CCSER1: variants seen among roughly 807,000 people sequenced by gnomAD.
CCSER1 encodes serine-rich coiled-coil domain-containing protein 1.
A neutral mutation model predicts 82.0 loss-of-function variants in CCSER1; 41 were observed. That is an observed-to-expected ratio of 0.50 (90% CI 0.39 to 0.65). The LOEUF (loss-of-function observed/expected upper bound fraction) is 0.65. CCSER1 is among the 30% of genes least tolerant of loss of function. The probability of loss-of-function intolerance (pLI) is 0.00; values close to 1 mark genes in which losing one functional copy is unlikely to be tolerated. For missense variants in CCSER1, 1,119 were observed against 1,064.2 expected, an observed-to-expected ratio of 1.05 and a Z score of -0.72; for synonymous variants, 414 against 383.9, an observed-to-expected ratio of 1.08 and a Z score of -0.92.
chr4:90,299,165 T>C (rs1320184555), intron 1 of CCSER1, among the ~76,000 whole-genome samples: 1 of 152,138 alleles, frequency 6.6e-6, no homozygotes, highest in Non-Finnish European at 1.5e-5. Flanking sequence ...AATAATTTCT[T>C]TCAAATGTGT....
intron 3 of CCSER1, among the ~76,000 whole-genome samples, chr4:90,330,592 GAA>G (rs1330335450): frequency 6.6e-6 from 1 of 151,954 alleles, no homozygotes; most frequent in African/African-American, 2.4e-5. Context: ...CTATAGCTGA[GAA>G]AAAAAGAAGT....
At chr4:91,590,537 A>G (rs1486310009) in intron 10 of CCSER1, among the ~76,000 whole-genome samples, 1 of 152,166 alleles carries the variant, frequency 6.6e-6, no homozygotes, top group Non-Finnish European at 1.5e-5. Flanking sequence ...TCTATTTCTC[A>G]GTGATGACAG....
rs187548228 is a variant in CCSER1 at position 91,103,882 on chromosome 4, G to T, written c.2217+17888G>T. Among the ~76,000 whole-genome samples the T allele has an allele frequency of 4.8e-3, 736 of 152,182 alleles. 4 individuals are homozygous for T. Among genetic ancestry groups the T allele is most frequent in the African/African-American group, 0.017 (695 of 41,510 alleles). ...GGGCAAAAAGAGCCATATTTTTCTTGTTGCAGAGAGCCTATAAATGGATAT... is the reference window on the plus strand; with the variant it reads ...GGGCAAAAAGAGCCATATTTTTCTTTTTGCAGAGAGCCTATAAATGGATAT... On this transcript the variant is annotated intron_variant, in intron 10 of 10. Coordinates refer to ENST00000509176, the MANE Select transcript of CCSER1 (RefSeq NM_001145065.2).
chr4:90,796,466 G>A (rs1395294988), intron 7 of CCSER1, among the ~76,000 whole-genome samples: 1 of 148,434 alleles, frequency 6.7e-6, no homozygotes, highest in Non-Finnish European at 1.5e-5. Flanking sequence ...CTTTTGAAGG[G>A]TTTTTCTTGT....
At chr4:91,044,405 A>G (rs1315219518) in intron 9 of CCSER1, among the ~76,000 whole-genome samples, 1 of 152,242 alleles carries the variant, frequency 6.6e-6, no homozygotes, top group African/African-American at 2.4e-5. Flanking sequence ...TGCAGCGCAC[A>G]AAATGTTCAT....
intron 1 of CCSER1, among the ~76,000 whole-genome samples, chr4:90,136,923 A>G (rs745961648): frequency 6.6e-5 from 10 of 152,204 alleles, no homozygotes; most frequent in Non-Finnish European, 1.2e-4. Flanking sequence ...ATTGTTATAA[A>G]TATAAATTAA....
At chr4:91,350,160 T>G (rs1748375865) in intron 10 of CCSER1, among the ~76,000 whole-genome samples, 1 of 152,018 alleles carries the variant, frequency 6.6e-6, no homozygotes, top group African/African-American at 2.4e-5. Flanking sequence ...TTGTTTTGCT[T>G]CCCATGTAAA....
rs149442960 is a variant in CCSER1, at chr4:91,525,646, C to A, written c.2218-72926C>A. 1.2e-3 allele frequency among the ~76,000 whole-genome samples: 182 copies of A among 152,194 alleles called. 1 individual carries two copies. The highest frequency in any genetic ancestry group is 4.3e-3 in the African/African-American group (177 of 41,524). ...CAGCCTCCTGCTCACCCCTCAGATACCCCCTCCTGTCATTAGTGTCAGACC... is the reference window on the plus strand; with the variant it reads ...CAGCCTCCTGCTCACCCCTCAGATAACCCCTCCTGTCATTAGTGTCAGACC... On this transcript the variant is annotated intron_variant, in intron 10 of 10. Coordinates refer to ENST00000509176, the MANE Select transcript of CCSER1 (RefSeq NM_001145065.2).
intron 10 of CCSER1, among the ~76,000 whole-genome samples, chr4:91,197,992 G>A (rs144860980): frequency 5.9e-5 from 9 of 151,900 alleles, no homozygotes; most frequent in East Asian, 1.9e-4. Flanking sequence ...AAAAATGGAC[G>A]TTAAAGAGCT....
intron 10 of CCSER1, among the ~76,000 whole-genome samples, chr4:91,377,102 G>A (rs1750476418): frequency 6.6e-6 from 1 of 152,094 alleles, no homozygotes; most frequent in Admixed American, 6.6e-5. Flanking sequence ...TGGCTGCATA[G>A]TATTCCATGG....
rs1747461821 is a variant in CCSER1, at chr4:90,371,738, G to A, written c.1510-28298G>A. On this transcript the variant is annotated intron_variant, in intron 3 of 10. Transcript: ENST00000509176. Reference sequence around the variant, plus strand: ...GCACCATAAACTAAAAACAGTGTTAGGATCAGGGTCATATCACAGGTCAAA... The same window carrying A: ...GCACCATAAACTAAAAACAGTGTTAAGATCAGGGTCATATCACAGGTCAAA... Among the ~76,000 whole-genome samples the A allele has an allele frequency of 2.0e-5, 3 of 152,098 alleles. No individual in the cohort carries two copies. In the South Asian group the frequency reaches 6.2e-4, roughly 32 times the overall value.
chr4:90,349,777 C>T (rs762078472), intron 3 of CCSER1, among the ~76,000 whole-genome samples: 3 of 152,036 alleles, frequency 2.0e-5, no homozygotes, highest in Non-Finnish European at 1.5e-5. Context: ...TTCTTGTGCT[C>T]AGAGCTGTTC....
At chr4:90,713,470 C>A (rs1378800095) in intron 6 of CCSER1, among the ~76,000 whole-genome samples, 1 of 151,740 alleles carries the variant, frequency 6.6e-6, no homozygotes, top group Non-Finnish European at 1.5e-5. Context: ...GAATATTGGC[C>A]CCCACTCTCT....
At chr4:90,186,603 C>A (rs1335746607) in intron 1 of CCSER1, among the ~76,000 whole-genome samples, 2 of 151,950 alleles carry the variant, frequency 1.3e-5, no homozygotes, top group East Asian at 1.9e-4. Context: ...TGTATACTTA[C>A]AACTATCATT....
chr4:90,994,707 T>G (rs775274774), intron 9 of CCSER1, among the ~76,000 whole-genome samples: 1 of 152,198 alleles, frequency 6.6e-6, no homozygotes, highest in African/African-American at 2.4e-5. Flanking sequence ...CTCATGGTTC[T>G]GACCAATATG....
chr4:91,307,265 A>C (rs569010306), intron 10 of CCSER1, among the ~76,000 whole-genome samples: 1 of 151,768 alleles, frequency 6.6e-6, no homozygotes, highest in East Asian at 2.0e-4. Flanking sequence ...TGAAACAATA[A>C]AAAAAAGGAT....
chr4:91,221,933 A>G (rs1238916190), intron 10 of CCSER1, among the ~76,000 whole-genome samples: 3 of 152,164 alleles, frequency 2.0e-5, no homozygotes, highest in Non-Finnish European at 4.4e-5. Flanking sequence ...TGTTAAATAA[A>G]TAAATTATAA....
intron 1 of CCSER1, among the ~76,000 whole-genome samples, chr4:90,226,557 A>G (rs1253307508): frequency 1.3e-5 from 2 of 152,212 alleles, no homozygotes; most frequent in South Asian, 2.1e-4. Flanking sequence ...TGCAAGAGGA[A>G]TATAGTTGGT....
chr4:90,755,279 T>G (rs1178373519), intron 7 of CCSER1, among the ~76,000 whole-genome samples: 1 of 152,184 alleles, frequency 6.6e-6, no homozygotes, highest in Non-Finnish European at 1.5e-5. Flanking sequence ...CAGATATATG[T>G]GTTTTTTGTG....
Sources: allele counts gnomAD v4.1 joint callset (sites outside exome capture counted in the v4.1 genomes callset), GRCh38; gene constraint gnomAD v4.1.1; transcripts MANE v1.5; gene names NCBI Gene and HGNC (gene_info 2026-07-23, HGNC 2026-07-21).